ARPIN: variants seen among roughly 807,000 people sequenced by gnomAD.
ARPIN encodes actin related protein 2/3 complex inhibitor, also known as UPF0552 protein C15orf38.
In ARPIN, 23 loss-of-function variants were observed where a neutral mutation model predicts 25.9. The ratio of observed to expected loss-of-function variants is 0.89; its 90% confidence interval spans 0.64 to 1.26. The LOEUF is 1.26. Among genes scored for constraint, ARPIN ranks in the 50% most tolerant of loss-of-function variants. The pLI is 0.00. For missense variants in ARPIN, 333 were observed against 312.2 expected, an observed-to-expected ratio of 1.07 and a Z score of -0.50; for synonymous variants, 126 against 131.4, an observed-to-expected ratio of 0.96 and a Z score of 0.28.
At chr15:89,904,818 A>T (rs1897090195) in intron 3 of ARPIN, among the ~76,000 whole-genome samples, 2 of 152,186 alleles carry the variant, frequency 1.3e-5, no homozygotes, top group South Asian at 4.1e-4. Context: ...TTCATGGAGC[A>T]CATTCCATTC....
At chr15:89,912,721 C>T (rs1210476513) in intron 1 of ARPIN, 23 bp downstream of exon 1, 3 of 1,380,012 alleles carry the variant, frequency 2.2e-6, no homozygotes, top group East Asian at 3.1e-5. Flanking sequence ...GAGGCCGACC[C>T]GAGGCCGTGA....
chr15:89,910,728 G>C lies in ARPIN; in HGVS notation c.168+16C>G, dbSNP rs772920515. The C allele has an allele frequency of 1.9e-6, 3 of 1,614,026 alleles. No individual in the cohort carries two copies. The highest frequency in any genetic ancestry group is 2.5e-6 in the Non-Finnish European group (3 of 1,179,936). ...AAGTCAGTGCCCTCTAGCTAGCACC[G>C]AGGAAGCATCCTCACCTTCCTGCCA... On this transcript the variant is annotated intron_variant, in intron 2 of 5. Coordinates refer to ENST00000357484, the MANE Select transcript of ARPIN (RefSeq NM_182616.4).
At chr15:89,908,099 G>T (rs1000183807) in intron 3 of ARPIN, among the ~76,000 whole-genome samples, 181 bp downstream of exon 3, 6 of 152,172 alleles carry the variant, frequency 3.9e-5, no homozygotes, top group Non-Finnish European at 8.8e-5. Context: ...AGGGAACGGG[G>T]ATCCTCTGAG....
At chr15:89,909,292 G>A (rs900116205) in intron 2 of ARPIN, among the ~76,000 whole-genome samples, 1 of 152,218 alleles carries the variant, frequency 6.6e-6, no homozygotes, top group African/African-American at 2.4e-5. Flanking sequence ...GCAGGTGGGT[G>A]AAATGCTCCC....
chr15:89,903,335 A>G lies in ARPIN; in HGVS notation c.553T>C (p.Phe185Leu), dbSNP rs371550539. Reference protein sequence around the residue: ...LEAGTVTKCNFTGDGKTGASW... With the variant: ...LEAGTVTKCNLTGDGKTGASW... ...GCCCCTGTCTTTCCATCACCAGTGA[A>G]ATTACACTTGGTCACTGTTCCAGCC... Residue 185 changes from phenylalanine to leucine, a missense_variant, in exon 5 of 6, where the codon TTC (phenylalanine) becomes CTC (leucine). Phe to Leu is a conservative substitution (Grantham distance 22). Transcript: ENST00000357484. 14 of 1,614,116 alleles carry G rather than the reference A, an allele frequency of 8.7e-6. No individual in the cohort carries two copies. Among genetic ancestry groups the G allele is most frequent in the Non-Finnish European group, 1.2e-5 (14 of 1,180,052 alleles).
chr15:89,903,937 C>A lies in ARPIN; in HGVS notation c.348G>T (p.Leu116=), dbSNP rs1381454351. 6.2e-7 allele frequency: 1 copy of A among 1,611,980 alleles called. No individual in the cohort carries two copies. Among genetic ancestry groups the A allele is most frequent in the Non-Finnish European group, 8.5e-7 (1 of 1,180,006 alleles). Residue 116 remains leucine (L), a synonymous_variant, in exon 4 of 6, where the codon CTG becomes CTT. Coordinates refer to ENST00000357484, the MANE Select transcript of ARPIN (RefSeq NM_182616.4). ...GDTDRLTPEA[L]KGLVNKPELL... ...GCTCTGGCTTGTTGACCAGCCCCTT[C>A]AGCGCCTCGGGCGTGAGCCTGTCAG...
chr15:89,901,642 G>C lies in ARPIN; in HGVS notation c.*153C>G. On this transcript the variant is annotated 3_prime_UTR_variant, in exon 6 of 6. Transcript: ENST00000357484. ...AGTGGTCATGGGTTTGGTTTTAGCA[G>C]AGCTTGTTCAAAGAGTATTCCAAGG... 1 of 926,360 alleles carries C rather than the reference G, an allele frequency of 1.1e-6. No individual in the cohort carries two copies. The highest frequency in any genetic ancestry group is 1.7e-6 in the Non-Finnish European group (1 of 601,726). The allele number at this position is 926,360 out of a possible 1,614,324, so 57.4% of individuals were successfully genotyped here.
At chr15:89,905,592 A>G (rs1439622857) in intron 3 of ARPIN, among the ~76,000 whole-genome samples, 1 of 152,014 alleles carries the variant, frequency 6.6e-6, no homozygotes, top group Non-Finnish European at 1.5e-5. Context: ...TGGATGCTCC[A>G]TATCTCAGAC....
intron 1 of ARPIN, 176 bp downstream of exon 1, chr15:89,912,568 G>A: frequency 7.4e-7 from 1 of 1,347,900 alleles, no homozygotes; most frequent in Non-Finnish European, 9.5e-7. Context: ...GTCGCTGGGC[G>A]GGCGCGGCGG....
intron 3 of ARPIN, among the ~76,000 whole-genome samples, chr15:89,904,446 A>C (rs1897083068): frequency 6.6e-6 from 1 of 152,194 alleles, no homozygotes; most frequent in Non-Finnish European, 1.5e-5. Flanking sequence ...CAGGATTCAA[A>C]GCACCCCAAC....
At chr15:89,902,735 G>A in intron 5 of ARPIN, 1 of 491,708 alleles carries the variant, frequency 2.0e-6, no homozygotes. Flanking sequence ...GAAAAGAAAA[G>A]CAACTGTGAA....
rs979411573 is a variant in ARPIN at position 89,912,832 on chromosome 15, T to C, written c.4A>G (p.Ser2Gly). M[S>G]RIYHDGALRN... ...AGCGCGCCGTCGTGGTAGATGCGGC[T>C]CATTCTCCCGACCGCCCGGGCACCC... Residue 2 changes from serine to glycine, a missense_variant, in exon 1 of 6, where the codon AGC becomes GGC. By Grantham distance (56) the Ser-to-Gly change is moderately conservative. Transcript: ENST00000357484. 1.3e-6 allele frequency: 2 copies of C among 1,521,290 alleles called. No individual in the cohort carries two copies. Among genetic ancestry groups the C allele is most frequent in the Admixed American group, 2.0e-5 (1 of 49,156 alleles). 94.2% of individuals were successfully genotyped at this position (1,521,290 alleles called of 1,614,324 possible). A position where few individuals can be genotyped will look rare whatever the true frequency, so the allele number is the denominator to read the frequency against.
Position 89,912,743 on chromosome 15 carries a change from C to T in ARPIN, c.92+1G>A. The T allele has an allele frequency of 6.8e-7, 1 of 1,466,616 alleles. No individual in the cohort carries two copies. The highest frequency in any genetic ancestry group is 1.3e-5 in the South Asian group (1 of 75,042). The allele number at this position is 1,466,616 out of a possible 1,614,324, so 90.9% of individuals were successfully genotyped here. On this transcript the variant is annotated splice_donor_variant, in intron 1 of 5. Transcript: ENST00000357484. LOFTEE classifies it high-confidence loss of function. The stretch of plus-strand genomic sequence containing the variant: ...ACCCGAGGCCGTGAGCCCAGGCCTA[C>T]CCCTGGTGGGCGGCGGGGTCCCAGG...
rs574761878 is a variant in ARPIN at position 89,912,488 on chromosome 15, C to T, written c.92+256G>A. ...CGAAGCCCAGCCTTCGGAGACCTGTCTGGGGGTCGGGACCCTCTCTCGAGG... is the reference window on the plus strand; with the variant it reads ...CGAAGCCCAGCCTTCGGAGACCTGTTTGGGGGTCGGGACCCTCTCTCGAGG... On this transcript the variant is annotated intron_variant, in intron 1 of 5. Transcript: ENST00000357484. 5.8e-5 allele frequency: 74 copies of T among 1,274,012 alleles called. No individual in the cohort carries two copies. The African/African-American group carries it at 7.8e-4, about 13-fold the overall frequency. The allele number at this position is 1,274,012 out of a possible 1,614,324, so 78.9% of individuals were successfully genotyped here. A position where few individuals can be genotyped will look rare whatever the true frequency, so the allele number is the denominator to read the frequency against.
At chr15:89,908,853 T>C (rs1250814634) in intron 2 of ARPIN, among the ~76,000 whole-genome samples, 2 of 151,984 alleles carry the variant, frequency 1.3e-5, no homozygotes, top group African/African-American at 2.4e-5. Flanking sequence ...TGTGGTGGCA[T>C]GTGCCTGTAA....
chr15:89,911,427 G>A (rs1897221631), intron 1 of ARPIN, among the ~76,000 whole-genome samples: 1 of 152,086 alleles, frequency 6.6e-6, no homozygotes. Flanking sequence ...TGGACCCCTG[G>A]CTTCTCGACT....
chr15:89,909,899 G>A (rs921324236), intron 2 of ARPIN, among the ~76,000 whole-genome samples: 5 of 152,186 alleles, frequency 3.3e-5, no homozygotes, highest in African/African-American at 1.2e-4. Flanking sequence ...CACCAGGAAT[G>A]GAACTCAGAG....
At chr15:89,903,737 C>T (rs745525805) in intron 4 of ARPIN, 40 bp downstream of exon 4, 3 of 1,609,784 alleles carry the variant, frequency 1.9e-6, no homozygotes, top group Non-Finnish European at 2.5e-6. Context: ...CCATGGGCCA[C>T]ACAGGAACAG....
At chr15:89,903,657 G>T in intron 4 of ARPIN, 120 bp downstream of exon 4, 1 of 1,486,672 alleles carries the variant, frequency 6.7e-7, no homozygotes. Flanking sequence ...CAAGGGCTTG[G>T]TCGTGTCCCC....
Sources: gnomAD v4.1 joint callset for allele counts (sites outside exome capture counted in the v4.1 genomes callset) on GRCh38, gnomAD v4.1.1 for gene constraint, MANE v1.5 for transcripts, NCBI Gene and HGNC (gene_info 2026-07-23, HGNC 2026-07-21) for gene names.